TLN2: variants seen among roughly 807,000 people sequenced by gnomAD.
The protein encoded by TLN2 is talin 2, also known as talin-2.
In TLN2, 118 loss-of-function variants were observed where a neutral mutation model predicts 294.7. The ratio of observed to expected loss-of-function variants is 0.40; its 90% CI spans 0.34 to 0.47. The LOEUF is 0.47. TLN2 is among the 20% of genes least tolerant of loss of function. The pLI is 0.84. For synonymous variants in TLN2, 1,431 were observed against 1,304.5 expected (o/e 1.10, Z -2.09); for missense variants, 3,083 against 3,282.2 (o/e 0.94, Z 1.48).
At chr15:62,784,061 G>A (rs2064426394) in intron 45 of TLN2, 171 bp downstream of exon 45, 4 of 1,181,644 alleles carry the variant, frequency 3.4e-6, no homozygotes, top group Admixed American at 2.7e-5. Context: ...GCCCCAGGCT[G>A]TACTCAAGTC....
intron 3 of TLN2, among the ~76,000 whole-genome samples, chr15:62,639,227 ATAGATC>A (rs200011541): frequency 0.15 from 6,630 of 43,186 alleles, 297 homozygotes; most frequent in East Asian, 0.34. Flanking sequence ...ACACTAGGTT[ATAGATC>A]TATATCTATA....
At chr15:62,405,009 GTATT>G (rs147256638) in intron 1 of TLN2, among the ~76,000 whole-genome samples, 10 of 152,300 alleles carry the variant, frequency 6.6e-5, no homozygotes, top group East Asian at 1.9e-4. Context: ...TTTATTGTCA[GTATT>G]TATTTTATTT....
intron 28 of TLN2, among the ~76,000 whole-genome samples, chr15:62,731,176 T>C (rs1225133346): frequency 6.6e-6 from 1 of 152,226 alleles, no homozygotes; most frequent in Non-Finnish European, 1.5e-5. Flanking sequence ...GCTGGAATTC[T>C]GTATATTGTC....
intron 1 of TLN2, among the ~76,000 whole-genome samples, chr15:62,404,989 G>A (rs921863780): frequency 1.3e-5 from 2 of 152,172 alleles, no homozygotes; most frequent in Non-Finnish European, 2.9e-5. Context: ...TGACTCGAGG[G>A]AAGTTTACTT....
At chr15:62,736,798 T>C (rs1269702979) in intron 28 of TLN2, 80 bp from the exon 29 acceptor site, 7 of 1,481,352 alleles carry the variant, frequency 4.7e-6, no homozygotes, top group Non-Finnish European at 5.5e-6. Flanking sequence ...TGCCAGGCCC[T>C]GGTCCAGAAG....
intron 2 of TLN2, among the ~76,000 whole-genome samples, chr15:62,613,584 G>A (rs1466620348): frequency 2.0e-5 from 3 of 152,146 alleles, no homozygotes; most frequent in African/African-American, 7.2e-5. Context: ...ATTTACCCAA[G>A]AGAAATATAT....
At position 62,457,622 on chromosome 15, in the gene TLN2, C is replaced by T. The variant is rs560723428; in HGVS notation, c.-238+66937C>T. Reference sequence around the variant, plus strand: ...GGAGAGAGGGACAGCGTTCTGGTGGCGAGGCAGGGAGCTGGCTGGTTTGTG... The same window carrying T: ...GGAGAGAGGGACAGCGTTCTGGTGGTGAGGCAGGGAGCTGGCTGGTTTGTG... On this transcript the variant is annotated intron_variant, in intron 1 of 58. Transcript: ENST00000636159. Among the ~76,000 whole-genome samples the T allele has an allele frequency of 2.8e-4, 43 of 152,248 alleles. No individual in the cohort carries two copies. In the South Asian group the frequency reaches 7.7e-3, roughly 27 times the overall value.
chr15:62,530,896 A>G lies in TLN2; in HGVS notation c.-237-58791A>G, dbSNP rs1278478625. Among the ~76,000 whole-genome samples the G allele has an allele frequency of 2.0e-5, 3 of 152,132 alleles. 1 individual carries two copies. Among genetic ancestry groups the G allele is most frequent in the South Asian group, 4.1e-4 (2 of 4,824 alleles). Reference sequence around the variant, plus strand: ...CTATTTTCTTTTCTAACAATTATTCATACTTCTGTGCCTTTTTTCCCTATT... The same window carrying G: ...CTATTTTCTTTTCTAACAATTATTCGTACTTCTGTGCCTTTTTTCCCTATT... On this transcript the variant is annotated intron_variant, in intron 1 of 58. Coordinates refer to ENST00000636159, the MANE Select transcript of TLN2 (RefSeq NM_015059.3).
chr15:62,766,727 A>C (rs1595920617), intron 41 of TLN2, among the ~76,000 whole-genome samples: 1 of 152,212 alleles, frequency 6.6e-6, no homozygotes, highest in African/African-American at 2.4e-5. Flanking sequence ...GCTGAAAGAA[A>C]CCAGAGACTG....
chr15:62,759,912 C>G (rs1019349000), intron 37 of TLN2, among the ~76,000 whole-genome samples: 1 of 152,228 alleles, frequency 6.6e-6, no homozygotes, highest in Non-Finnish European at 1.5e-5. Context: ...TCAAATTGCT[C>G]TGAAGTCTGG....
At chr15:62,692,660 C>T (rs1273817689) in intron 12 of TLN2, among the ~76,000 whole-genome samples, 180 bp from the exon 13 acceptor site, 1 of 152,160 alleles carries the variant, frequency 6.6e-6, no homozygotes, top group African/African-American at 2.4e-5. Flanking sequence ...TCTCAGTTTT[C>T]AGAGCTCTTT....
At chr15:62,693,242 G>C (rs919872819) in intron 13 of TLN2, among the ~76,000 whole-genome samples, 1 of 152,176 alleles carries the variant, frequency 6.6e-6, no homozygotes, top group Non-Finnish European at 1.5e-5. Context: ...GGAGGCAGGA[G>C]AATCGCTTGA....
chr15:62,812,508 C>T (rs1462191591), intron 52 of TLN2, among the ~76,000 whole-genome samples: 1 of 152,118 alleles, frequency 6.6e-6, no homozygotes, highest in East Asian at 1.9e-4. Flanking sequence ...CTTTCATTCT[C>T]CAGCAAAAAT....
At chr15:62,649,324 C>T (rs1193427998) in intron 4 of TLN2, among the ~76,000 whole-genome samples, 2 of 151,350 alleles carry the variant, frequency 1.3e-5, no homozygotes, top group Admixed American at 1.3e-4. Context: ...AGCTTGATTG[C>T]TATATAGTGC....
Position 62,835,842 on chromosome 15 carries a change from C to T in TLN2, c.7191+43C>T, listed in dbSNP as rs759363644. 2.5e-6 allele frequency: 4 copies of T among 1,614,200 alleles called. No homozygotes were observed. The South Asian group carries it at 3.3e-5, about 13-fold the overall frequency. On this transcript the variant is annotated intron_variant, in intron 56 of 58. Coordinates refer to ENST00000636159, the MANE Select transcript of TLN2 (RefSeq NM_015059.3). Reference sequence around the variant, plus strand: ...TCCTCCCAGTTTGCTTTTGGGGTCCCCTGAGGGAGGTTTGGGCCTTGGGTC... The same window carrying T: ...TCCTCCCAGTTTGCTTTTGGGGTCCTCTGAGGGAGGTTTGGGCCTTGGGTC...
chr15:62,417,483 G>C (rs1231293843), intron 1 of TLN2, among the ~76,000 whole-genome samples: 2 of 152,212 alleles, frequency 1.3e-5, no homozygotes, highest in East Asian at 3.8e-4. Flanking sequence ...GAAACTTTGA[G>C]TTAAATGACA....
intron 1 of TLN2, among the ~76,000 whole-genome samples, chr15:62,443,104 G>C (rs559169886): frequency 6.6e-6 from 1 of 152,290 alleles, no homozygotes; most frequent in Non-Finnish European, 1.5e-5. Flanking sequence ...CCCATCTCAA[G>C]ATCCTCCTCA....
At chr15:62,805,232 G>GA (rs11431313) in intron 50 of TLN2, among the ~76,000 whole-genome samples, 149,514 of 152,174 alleles carry the variant, frequency 0.98, 73,501 homozygotes, top group Middle Eastern at 1. Context: ...AGAGTGTATG[G>GA]AACTGCCAAA....
intron 3 of TLN2, among the ~76,000 whole-genome samples, chr15:62,620,837 C>CTTTTTTTTT (rs71129016): frequency 1.5e-4 from 10 of 66,382 alleles, no homozygotes; most frequent in African/African-American, 2.2e-4. Flanking sequence ...CTTTCTTTTT[C>CTTTTTTTTT]TTTTTTTTTT....
Sources: gnomAD v4.1 joint callset for allele counts (sites outside exome capture counted in the v4.1 genomes callset) on GRCh38, gnomAD v4.1.1 for gene constraint, MANE v1.5 for transcripts, NCBI Gene and HGNC (gene_info 2026-07-23, HGNC 2026-07-21) for gene names.